The following GRID1 variants were observed in gnomAD, a reference collection of about 807,000 sequenced individuals.
GRID1 encodes glutamate ionotropic receptor delta type subunit 1, also known as glutamate receptor ionotropic, delta-1.
GRID1 carries 28 observed loss-of-function variants against 98.0 expected under a neutral mutation model. That is an observed-to-expected ratio of 0.29 (90% CI 0.21 to 0.39). The LOEUF is 0.39. GRID1 is among the 10% of genes least tolerant of loss of function. The pLI, the probability that GRID1 is intolerant of heterozygous loss-of-function variation, is 1.00. For missense variants in GRID1, 1,111 were observed against 1,340.5 expected (o/e 0.83, Z 2.67); for synonymous variants, 553 against 538.5 (o/e 1.03, Z -0.37).
At chr10:85,657,117 G>C (rs1466703993) in intron 12 of GRID1, among the ~76,000 whole-genome samples, 1 of 152,088 alleles carries the variant, frequency 6.6e-6, no homozygotes, top group African/African-American at 2.4e-5. Flanking sequence ...CCTCAGATTT[G>C]TAATTGGCTC....
Position 85,822,582 on chromosome 10 carries a change from C to T in GRID1, c.1233+31914G>A, listed in dbSNP as rs567492233. ...TGGAGAAATAGGAACACTTTTACAC[C>T]ATTGGTGGGACTGTAAACTAGTTCA... On this transcript the variant is annotated intron_variant, in intron 8 of 15. Coordinates refer to ENST00000327946, the MANE Select transcript of GRID1 (RefSeq NM_017551.3). Among the ~76,000 whole-genome samples, 833 of 152,142 alleles carry T rather than the reference C, an allele frequency of 5.5e-3. 7 individuals carry two copies. Among genetic ancestry groups the T allele is most frequent in the African/African-American group, 0.019 (780 of 41,440 alleles).
At chr10:85,711,874 A>G (rs1261322961) in intron 12 of GRID1, among the ~76,000 whole-genome samples, 1 of 151,788 alleles carries the variant, frequency 6.6e-6, no homozygotes, top group East Asian at 1.9e-4. Context: ...GTGGAACAGA[A>G]CTATATAAGA....
At chr10:85,977,797 G>C (rs2001415) in intron 4 of GRID1, among the ~76,000 whole-genome samples, 110,036 of 151,920 alleles carry the variant, frequency 0.72, 40,613 homozygotes, top group African/African-American at 0.88. Flanking sequence ...AGACCTCCCC[G>C]CCGACCCAGT....
chr10:85,672,509 T>C (rs771109570), intron 12 of GRID1, among the ~76,000 whole-genome samples: 5 of 152,166 alleles, frequency 3.3e-5, no homozygotes, highest in Non-Finnish European at 5.9e-5. Context: ...GGTTTCACCA[T>C]GTTGGTCAGG....
chr10:85,622,187 G>C (rs1276141371), intron 13 of GRID1, among the ~76,000 whole-genome samples: 1 of 152,026 alleles, frequency 6.6e-6, no homozygotes, highest in East Asian at 1.9e-4. Flanking sequence ...GGTGAGCACA[G>C]CTGCATGAAA....
intron 2 of GRID1, among the ~76,000 whole-genome samples, chr10:86,293,137 A>G (rs1164025141): frequency 6.6e-6 from 1 of 152,112 alleles, no homozygotes; most frequent in African/African-American, 2.4e-5. Context: ...ATTGCAGGTT[A>G]TTGTGGGAGG....
chr10:86,311,680 A>G (rs192960868), intron 2 of GRID1, among the ~76,000 whole-genome samples: 3 of 152,260 alleles, frequency 2.0e-5, no homozygotes, highest in African/African-American at 7.2e-5. Flanking sequence ...ATCCAACCTG[A>G]GAGTTCAAAA....
At chr10:85,822,514 C>T (rs893504962) in intron 8 of GRID1, among the ~76,000 whole-genome samples, 10 of 152,092 alleles carry the variant, frequency 6.6e-5, no homozygotes, top group Admixed American at 3.9e-4. Flanking sequence ...GTTAGAATGG[C>T]AATCATTAAA....
At chr10:85,710,564 G>T (rs1841570827) in intron 12 of GRID1, among the ~76,000 whole-genome samples, 1 of 152,074 alleles carries the variant, frequency 6.6e-6, no homozygotes, top group Non-Finnish European at 1.5e-5. Flanking sequence ...ATTTGGCAAT[G>T]AATATTATAC....
chr10:86,015,862 T>A (rs1842973924), intron 4 of GRID1, among the ~76,000 whole-genome samples: 1 of 152,136 alleles, frequency 6.6e-6, no homozygotes, highest in Admixed American at 6.5e-5. Flanking sequence ...ATTACAGATG[T>A]GGCCAGAAAG....
intron 12 of GRID1, among the ~76,000 whole-genome samples, chr10:85,713,859 A>C (rs1841608580): frequency 6.6e-6 from 1 of 151,972 alleles, no homozygotes; most frequent in Non-Finnish European, 1.5e-5. Context: ...CCTTAACATC[A>C]TAAAGGCTAT....
chr10:85,667,559 C>T (rs556984325), intron 12 of GRID1, among the ~76,000 whole-genome samples: 13 of 152,152 alleles, frequency 8.5e-5, no homozygotes, highest in Non-Finnish European at 1.9e-4. Context: ...ATTAGCTTGC[C>T]CAAAGTCACA....
chr10:86,109,254 T>C (rs991140987), intron 4 of GRID1, among the ~76,000 whole-genome samples: 2 of 152,146 alleles, frequency 1.3e-5, no homozygotes, highest in African/African-American at 2.4e-5. Context: ...TAATAAGACA[T>C]GGTGAACAAC....
chr10:85,609,179 C>T (rs1482694741), intron 15 of GRID1, among the ~76,000 whole-genome samples: 1 of 152,218 alleles, frequency 6.6e-6, no homozygotes, highest in African/African-American at 2.4e-5. Flanking sequence ...CATCCCATCT[C>T]TACCCTTCTC....
Position 85,613,524 on chromosome 10 carries a change from C to T in GRID1, c.2484G>A (p.Leu828=). The change falls in exon 15 of 16, where the codon CTG becomes CTA. Residue 828 remains leucine, a synonymous_variant. Coordinates refer to ENST00000327946, the MANE Select transcript of GRID1 (RefSeq NM_017551.3). The stretch of plus-strand genomic sequence containing the variant: ...TGCAGAAGACCCCGGCGAAGCTGTG[C>T]AGCTTGAGGGATTTGCCGTCGGCCT... ...SAQADGKSLK[L]HSFAGVFCIL... 1 of 1,614,206 alleles carries T rather than the reference C, an allele frequency of 6.2e-7. No homozygotes were observed. The highest frequency in any genetic ancestry group is 1.1e-5 in the South Asian group (1 of 91,086).
At chr10:85,708,357 T>C (rs1019484148) in intron 12 of GRID1, among the ~76,000 whole-genome samples, 3 of 151,536 alleles carry the variant, frequency 2.0e-5, no homozygotes, top group African/African-American at 7.3e-5. Flanking sequence ...TGAGCCGAGA[T>C]TGTGCCACTG....
At chr10:85,726,075 G>A (rs1841756839) in intron 10 of GRID1, among the ~76,000 whole-genome samples, 1 of 152,230 alleles carries the variant, frequency 6.6e-6, no homozygotes, top group Non-Finnish European at 1.5e-5. Context: ...CACAGGTGGA[G>A]GGGTTGTCCT....
At chr10:85,942,213 G>A (rs987288130) in intron 4 of GRID1, among the ~76,000 whole-genome samples, 7 of 152,212 alleles carry the variant, frequency 4.6e-5, no homozygotes, top group East Asian at 1.9e-4. Context: ...AAGGGGACAC[G>A]TGGAAAGCTT....
chr10:85,888,673 T>C (rs535647347), intron 5 of GRID1, among the ~76,000 whole-genome samples: 2 of 152,244 alleles, frequency 1.3e-5, no homozygotes, highest in East Asian at 3.9e-4. Flanking sequence ...GTCTGTGAGA[T>C]TTATCCATCT....
Sources: allele counts gnomAD v4.1 joint callset (sites outside exome capture counted in the v4.1 genomes callset), GRCh38; gene constraint gnomAD v4.1.1; transcripts MANE v1.5; gene names NCBI Gene and HGNC (gene_info 2026-07-23, HGNC 2026-07-21).